The following TP53INP1 variants were observed in gnomAD, a reference collection of about 807,000 sequenced individuals.
The protein encoded by TP53INP1 is tumor protein p53 inducible nuclear protein 1, also known as tumor protein p53-inducible nuclear protein 1.
TP53INP1 carries 12 observed loss-of-function variants against 21.0 expected under a neutral mutation model. That is an observed-to-expected ratio of 0.57 (90% CI 0.37 to 0.93). TP53INP1 has a LOEUF of 0.93. TP53INP1 is among the 40% of genes least tolerant of loss of function. The pLI, the probability that TP53INP1 is intolerant of heterozygous loss-of-function variation, is 0.01. For missense variants in TP53INP1, 274 were observed against 294.7 expected, an observed-to-expected ratio of 0.93 and a Z score of 0.51; for synonymous variants, 91 against 94.8, an observed-to-expected ratio of 0.96 and a Z score of 0.23.
chr8:94,930,457 C>T lies in TP53INP1; in HGVS notation c.*22G>A. ...CATGTAAGCACAAACCAAGAGAAAC[C>T]AACCAACAAAACTTGAAACTATTAG... On this transcript the variant is annotated 3_prime_UTR_variant, in exon 4 of 4. Coordinates refer to ENST00000342697, the MANE Select transcript of TP53INP1 (RefSeq NM_033285.4). 2 of 1,612,534 alleles carry T rather than the reference C, an allele frequency of 1.2e-6. No homozygotes were observed. The highest frequency in any genetic ancestry group is 1.7e-6 in the Non-Finnish European group (2 of 1,178,710).
At chr8:94,931,339 T>G (rs1820372865) in intron 3 of TP53INP1, among the ~76,000 whole-genome samples, 1 of 152,206 alleles carries the variant, frequency 6.6e-6, no homozygotes, top group African/African-American at 2.4e-5. Flanking sequence ...TTTTTCTTTA[T>G]CTCACAACAG....
At chr8:94,947,962 G>C (rs1822162704) in intron 1 of TP53INP1, among the ~76,000 whole-genome samples, 1 of 152,178 alleles carries the variant, frequency 6.6e-6, no homozygotes, top group African/African-American at 2.4e-5. Context: ...TCAATTACCA[G>C]GCTGGTGATT....
At chr8:94,931,940 C>G in intron 3 of TP53INP1, 1 of 864,140 alleles carries the variant, frequency 1.2e-6, no homozygotes, top group South Asian at 1.8e-5. Flanking sequence ...CCATTGCACT[C>G]CAGCCTGAGT....
intron 3 of TP53INP1, among the ~76,000 whole-genome samples, chr8:94,932,662 G>A (rs1820532232): frequency 6.6e-6 from 1 of 152,096 alleles, no homozygotes; most frequent in African/African-American, 2.4e-5. Flanking sequence ...AATTAGCTGG[G>A]TGCGGTGGCG....
chr8:94,935,166 TA>T (rs1430418312), intron 3 of TP53INP1, among the ~76,000 whole-genome samples: 38 of 151,422 alleles, frequency 2.5e-4, no homozygotes, highest in African/African-American at 9.0e-4. Context: ...GATAGATAGA[TA>T]GATAGATATA....
At chr8:94,936,724 C>A (rs919337209) in intron 3 of TP53INP1, among the ~76,000 whole-genome samples, 1 of 152,042 alleles carries the variant, frequency 6.6e-6, no homozygotes, top group African/African-American at 2.4e-5. Context: ...TGCCAGTGGC[C>A]ATCAGAAGAA....
chr8:94,935,089 CGGTAGGTA>C (rs151249970), intron 3 of TP53INP1, among the ~76,000 whole-genome samples: 38 of 149,950 alleles, frequency 2.5e-4, no homozygotes, highest in Admixed American at 2.1e-3. Context: ...AAACAGGAAA[CGGTAGGTA>C]GGTAGGTAGG....
intron 3 of TP53INP1, among the ~76,000 whole-genome samples, chr8:94,934,616 G>A (rs1280235281): frequency 6.6e-6 from 1 of 151,942 alleles, no homozygotes; most frequent in Admixed American, 6.6e-5. Context: ...TCCTGACCTC[G>A]TGATCCACCC....
At chr8:94,937,305 G>T (rs1251334978) in intron 3 of TP53INP1, among the ~76,000 whole-genome samples, 2 of 152,030 alleles carry the variant, frequency 1.3e-5, no homozygotes, top group African/African-American at 4.8e-5. Context: ...CCCAGGTATG[G>T]TGGCGGGCGC....
At chr8:94,931,701 G>A (rs547911882) in intron 3 of TP53INP1, among the ~76,000 whole-genome samples, 191 of 152,190 alleles carry the variant, frequency 1.3e-3, no homozygotes, top group African/African-American at 4.3e-3. Flanking sequence ...TAGGCCAGGC[G>A]CTGTGGCTCG....
chr8:94,926,801 C>T lies in TP53INP1; in HGVS notation c.*3678G>A, dbSNP rs1242468970. On this transcript the variant is annotated 3_prime_UTR_variant, in exon 4 of 4. Coordinates refer to ENST00000342697, the MANE Select transcript of TP53INP1 (RefSeq NM_033285.4). Reference sequence around the variant, plus strand: ...TAAACAGTTGAAATTTAATTGGTCTCAAATTTCAAGTGAAACTGATACATG... The same window carrying T: ...TAAACAGTTGAAATTTAATTGGTCTTAAATTTCAAGTGAAACTGATACATG... 6.6e-6 allele frequency: 1 copy of T among 152,160 alleles called. No individual in the cohort carries two copies. The highest frequency in any genetic ancestry group is 1.9e-4 in the East Asian group (1 of 5,206). The allele number at this position is 152,160 out of a possible 1,614,324, so 9.4% of individuals were successfully genotyped here.
At chr8:94,931,231 T>G (rs1292760933) in intron 3 of TP53INP1, among the ~76,000 whole-genome samples, 1 of 152,228 alleles carries the variant, frequency 6.6e-6, no homozygotes, top group African/African-American at 2.4e-5. Context: ...GAAACATGCT[T>G]TAAATCTTTA....
chr8:94,934,345 T>C (rs1253695420), intron 3 of TP53INP1, among the ~76,000 whole-genome samples: 2 of 152,246 alleles, frequency 1.3e-5, no homozygotes, highest in East Asian at 1.9e-4. Flanking sequence ...AAAGTAAACA[T>C]ATAAATGCCA....
chr8:94,932,981 T>A (rs934064911), intron 3 of TP53INP1, among the ~76,000 whole-genome samples: 4 of 151,572 alleles, frequency 2.6e-5, no homozygotes, highest in Non-Finnish European at 5.9e-5. Context: ...CTTTGGGAGG[T>A]CAAGGTGGGC....
At chr8:94,948,614 G>T (rs1037064074) in intron 1 of TP53INP1, among the ~76,000 whole-genome samples, 1 of 152,166 alleles carries the variant, frequency 6.6e-6, no homozygotes, top group Admixed American at 6.5e-5. Context: ...CGCAGGGGAC[G>T]GGATCGCAGG....
At chr8:94,935,679 C>T (rs1820910660) in intron 3 of TP53INP1, among the ~76,000 whole-genome samples, 1 of 152,164 alleles carries the variant, frequency 6.6e-6, no homozygotes, top group South Asian at 2.1e-4. Context: ...GGTATGGGAG[C>T]TCCATGTACT....
intron 1 of TP53INP1, among the ~76,000 whole-genome samples, chr8:94,947,690 A>G (rs1822142363): frequency 6.6e-6 from 1 of 152,236 alleles, no homozygotes; most frequent in Non-Finnish European, 1.5e-5. Context: ...TCTGCCCCTA[A>G]GGCTGAAAGA....
chr8:94,940,093 A>C lies in TP53INP1; in HGVS notation c.240T>G (p.Ser80Arg). The change falls in exon 3 of 4, where the codon AGT becomes AGG. Residue 80 changes from serine to arginine, a missense_variant. Physicochemically the swap from Ser to Arg is moderately radical, Grantham distance 110. Transcript: ENST00000342697. The stretch of plus-strand genomic sequence containing the variant: ...ACTCAAACTGGAGAAAGCAGGAATC[A>C]CTTGTATCAGCCAAGCACTCAAGAG... ...PASLECLADT[S>R]DSCFLQFESC... The C allele has an allele frequency of 1.9e-6, 3 of 1,614,240 alleles. No homozygotes were observed. The highest frequency in any genetic ancestry group is 2.5e-6 in the Non-Finnish European group (3 of 1,180,040).
Position 94,930,489 on chromosome 8 carries a change from T to C in TP53INP1, c.713A>G (p.Tyr238Cys), listed in dbSNP as rs771192696. 4 of 1,614,218 alleles carry C rather than the reference T, an allele frequency of 2.5e-6. No homozygotes were observed. The highest frequency in any genetic ancestry group is 1.1e-5 in the South Asian group (1 of 91,084). Reference sequence around the variant, plus strand: ...CAAAACTTGAAACTATTAGTAATTGTACTGACGCGGGCAGGGCTGATGAAC... The same window carrying C: ...CAAAACTTGAAACTATTAGTAATTGCACTGACGCGGGCAGGGCTGATGAAC... Reference protein sequence around the residue: ...WVVHQPCPRQYNY With the variant: ...WVVHQPCPRQCNY The change falls in exon 4 of 4, where the codon TAC (tyrosine) becomes TGC (cysteine). Residue 238 changes from tyrosine to cysteine, a missense_variant. Tyr to Cys is a radical substitution (Grantham distance 194, BLOSUM62 -2). Transcript: ENST00000342697.
Sources: gnomAD v4.1 joint callset for allele counts (sites outside exome capture counted in the v4.1 genomes callset) on GRCh38, gnomAD v4.1.1 for gene constraint, MANE v1.5 for transcripts, NCBI Gene and HGNC (gene_info 2026-07-23, HGNC 2026-07-21) for gene names.